ARHGAP22: variants seen among roughly 807,000 people sequenced by gnomAD.
ARHGAP22 encodes rho GTPase-activating protein 22.
ARHGAP22 carries 48 observed loss-of-function variants against 59.1 expected under a neutral mutation model. That is an observed-to-expected ratio of 0.81 (90% CI 0.64 to 1.03). The LOEUF (loss-of-function observed/expected upper bound fraction) is 1.03, where lower values mean the gene tolerates loss of function less well. ARHGAP22 is among the 50% of genes least tolerant of loss of function. ARHGAP22 has a pLI of 0.00. For synonymous variants in ARHGAP22, 445 were observed against 416.4 expected (o/e 1.07, Z -0.84); for missense variants, 1,015 against 958.7 (o/e 1.06, Z -0.78).
intron 1 of ARHGAP22, among the ~76,000 whole-genome samples, chr10:48,600,946 C>T (rs951061357): frequency 6.6e-6 from 1 of 152,210 alleles, no homozygotes; most frequent in East Asian, 1.9e-4. Context: ...AGCTCCAGCC[C>T]ACAGCCTGGA....
At chr10:48,641,623 C>A (rs905045762) in intron 1 of ARHGAP22, among the ~76,000 whole-genome samples, 1 of 152,114 alleles carries the variant, frequency 6.6e-6, no homozygotes, top group East Asian at 1.9e-4. Context: ...TTATGACAAA[C>A]CCACAGCCAA....
chr10:48,649,546 C>G (rs1300920842), intron 1 of ARHGAP22, among the ~76,000 whole-genome samples: 1 of 152,206 alleles, frequency 6.6e-6, no homozygotes, highest in Non-Finnish European at 1.5e-5. Flanking sequence ...TCCCGAGGCA[C>G]AGTGGCTTCT....
intron 3 of ARHGAP22, among the ~76,000 whole-genome samples, chr10:48,491,549 C>T (rs1432446747): frequency 6.6e-6 from 1 of 152,220 alleles, no homozygotes; most frequent in African/African-American, 2.4e-5. Flanking sequence ...GTTGGCCCAC[C>T]CCGACTCTGT....
intron 3 of ARHGAP22, among the ~76,000 whole-genome samples, chr10:48,516,517 G>T (rs568740620): frequency 1.0e-4 from 15 of 147,472 alleles, no homozygotes; most frequent in African/African-American, 3.7e-4. Context: ...GACAGAGCAA[G>T]ACCCTGTCTC....
At chr10:48,631,170 A>G (rs1244986294) in intron 1 of ARHGAP22, among the ~76,000 whole-genome samples, 1 of 152,232 alleles carries the variant, frequency 6.6e-6, no homozygotes, top group Non-Finnish European at 1.5e-5. Flanking sequence ...TGGTTGTGGT[A>G]TATAATTCTT....
At chr10:48,485,210 A>G (rs1489934218) in intron 3 of ARHGAP22, among the ~76,000 whole-genome samples, 2 of 151,954 alleles carry the variant, frequency 1.3e-5, no homozygotes, top group Non-Finnish European at 2.9e-5. Context: ...CTTGGGTTTA[A>G]TTTGGTCTTT....
chr10:48,602,051 T>C (rs1028430459), intron 1 of ARHGAP22, among the ~76,000 whole-genome samples: 1 of 152,248 alleles, frequency 6.6e-6, no homozygotes. Context: ...CTTCTACATC[T>C]GTCAAAATGG....
At chr10:48,497,167 G>A (rs2051026701) in intron 3 of ARHGAP22, among the ~76,000 whole-genome samples, 9 of 152,200 alleles carry the variant, frequency 5.9e-5, no homozygotes, top group Admixed American at 5.2e-4. Context: ...TGCACATACA[G>A]GGCTAGGGTC....
chr10:48,576,024 A>G (rs746618520), intron 2 of ARHGAP22, among the ~76,000 whole-genome samples: 27 of 152,196 alleles, frequency 1.8e-4, no homozygotes, highest in Non-Finnish European at 7.4e-5. Flanking sequence ...CCCCTATCGC[A>G]GCCCACGAAG....
At chr10:48,619,285 A>G (rs539673786) in intron 1 of ARHGAP22, among the ~76,000 whole-genome samples, 4 of 152,190 alleles carry the variant, frequency 2.6e-5, no homozygotes, top group Non-Finnish European at 4.4e-5. Flanking sequence ...CTCTCTGCAG[A>G]TTCAGTGAAA....
chr10:48,431,160 T>C, the ARHGAP22 span: 17 of 1,455,404 alleles, frequency 1.2e-5, no homozygotes, highest in Non-Finnish European at 1.6e-5. Flanking sequence ...TCTTAGACTT[T>C]GAAAAGTTCA....
At chr10:48,550,383 G>A (rs2056807098) in intron 3 of ARHGAP22, among the ~76,000 whole-genome samples, 1 of 152,178 alleles carries the variant, frequency 6.6e-6, no homozygotes, top group Non-Finnish European at 1.5e-5. Flanking sequence ...ATACAGAATG[G>A]CAGGACTACT....
chr10:48,573,434 T>C (rs751964700), intron 2 of ARHGAP22, among the ~76,000 whole-genome samples: 5 of 152,186 alleles, frequency 3.3e-5, no homozygotes, highest in African/African-American at 4.8e-5. Flanking sequence ...GATCCTGTAA[T>C]ATGACATGCT....
intron 3 of ARHGAP22, among the ~76,000 whole-genome samples, chr10:48,499,406 ACACTTGACAAAACTGAACATC>A (rs1450524004): frequency 1.3e-5 from 2 of 152,252 alleles, no homozygotes; most frequent in Non-Finnish European, 2.9e-5. Context: ...ATCTGAAAAG[ACACTTGACAAAACTGAACATC>A]CATTTTGATA....
At chr10:48,638,585 C>T (rs2061919924) in intron 1 of ARHGAP22, among the ~76,000 whole-genome samples, 1 of 152,170 alleles carries the variant, frequency 6.6e-6, no homozygotes, top group African/African-American at 2.4e-5. Context: ...ACCTCATTTT[C>T]CCTCTACATT....
intron 4 of ARHGAP22, 134 bp downstream of exon 4, chr10:48,479,502 C>G (rs1714385218): frequency 6.6e-7 from 1 of 1,515,642 alleles, no homozygotes; most frequent in Non-Finnish European, 8.9e-7. Flanking sequence ...GAAGGGCCAG[C>G]CTGCTGTGAG....
intron 1 of ARHGAP22, among the ~76,000 whole-genome samples, chr10:48,604,285 G>A (rs1249324905): frequency 6.6e-6 from 1 of 152,206 alleles, no homozygotes; most frequent in African/African-American, 2.4e-5. Context: ...CCTGCCCCTG[G>A]CCTGCTTGAG....
At chr10:48,582,357 C>T (rs551590834) in intron 2 of ARHGAP22, among the ~76,000 whole-genome samples, 5 of 152,230 alleles carry the variant, frequency 3.3e-5, no homozygotes, top group Admixed American at 1.3e-4. Context: ...GATGGCAGCA[C>T]ACAGAGTACC....
At chr10:48,535,350 G>C (rs2055241415) in intron 3 of ARHGAP22, among the ~76,000 whole-genome samples, 1 of 152,168 alleles carries the variant, frequency 6.6e-6, no homozygotes, top group African/African-American at 2.4e-5. Context: ...AAGAGGGAGT[G>C]GGGCTGCTCC....
Sources: gnomAD v4.1 joint callset for allele counts (sites outside exome capture counted in the v4.1 genomes callset) on GRCh38, gnomAD v4.1.1 for gene constraint, MANE v1.5 for transcripts, NCBI Gene and HGNC (gene_info 2026-07-23, HGNC 2026-07-21) for gene names.